The following KLHL29 variants were observed in gnomAD, a reference collection of about 807,000 sequenced individuals.
KLHL29 encodes the protein kelch like family member 29.
Under a neutral mutation model 80.4 loss-of-function variants are expected in KLHL29, and 21 were observed. That is an observed-to-expected ratio of 0.26 (90% CI 0.19 to 0.38). The LOEUF is 0.38. KLHL29 is among the 10% of genes least tolerant of loss of function. The probability of loss-of-function intolerance (pLI) is 1.00; values close to 1 mark genes in which losing one functional copy is unlikely to be tolerated. For synonymous variants in KLHL29, 511 were observed against 526.8 expected (o/e 0.97, Z 0.41); for missense variants, 867 against 1,223.9 (o/e 0.71, Z 4.35).
Position 23,596,446 on chromosome 2 carries a change from C to T in KLHL29, c.285+33965C>T, listed in dbSNP as rs990093716. ...GGAAGGAACCCGTTTCATAAGCGCA[C>T]TCACGTTGGAGCAGAACAGAGTCAC... On this transcript the variant is annotated intron_variant, in intron 3 of 13. Coordinates refer to ENST00000486442, the MANE Select transcript of KLHL29 (RefSeq NM_052920.2). The surrounding 1 kb of genome is among the most constrained non-coding windows in gnomAD (Gnocchi z 4.4). Among the ~76,000 whole-genome samples, 3 of 152,296 alleles carry T rather than the reference C, an allele frequency of 2.0e-5. No individual in the cohort carries two copies. In the South Asian group the frequency reaches 6.2e-4, roughly 32 times the overall value.
intron 1 of KLHL29, among the ~76,000 whole-genome samples, chr2:23,418,854 TTC>T (rs1211556335): frequency 5.3e-5 from 8 of 152,156 alleles, no homozygotes; most frequent in African/African-American, 1.9e-4. Context: ...CAGCATGCAC[TTC>T]GTCAATCCTG....
In KLHL29 at chr2:23,596,715, G is replaced by A. The variant is rs985195806; in HGVS notation, c.285+34234G>A. Among the ~76,000 whole-genome samples, 3 of 152,194 alleles carry A rather than the reference G, an allele frequency of 2.0e-5. No individual in the cohort carries two copies. Among genetic ancestry groups the A allele is most frequent in the African/African-American group, 7.2e-5 (3 of 41,460 alleles). ...TCCCTCTAAATGAGGGCGATAGGAA[G>A]ACTCCGATGCTGGGGCAGAGCCATC... On this transcript the variant is annotated intron_variant, in intron 3 of 13. Transcript: ENST00000486442. This position sits in a 1 kb window ranked among gnomAD's most constrained non-coding sequence, Gnocchi z 4.4.
chr2:23,390,530 G>A (rs1308912766), intron 1 of KLHL29, among the ~76,000 whole-genome samples: 1 of 151,146 alleles, frequency 6.6e-6, no homozygotes, highest in Non-Finnish European at 1.5e-5. Flanking sequence ...ATATATATTT[G>A]TAAACAGATA....
At chr2:23,476,533 T>A (rs1418023097) in intron 2 of KLHL29, among the ~76,000 whole-genome samples, 1 of 152,262 alleles carries the variant, frequency 6.6e-6, no homozygotes, top group African/African-American at 2.4e-5. Context: ...GATTCCACAA[T>A]GTATCAAGCC....
At chr2:23,495,814 C>T (rs1047024881) in intron 2 of KLHL29, among the ~76,000 whole-genome samples, 3 of 152,242 alleles carry the variant, frequency 2.0e-5, no homozygotes, top group Admixed American at 6.5e-5. Context: ...GACTGTAGCA[C>T]GCGCATGTGT....
chr2:23,696,086 G>T lies in KLHL29; in HGVS notation c.1877G>T (p.Arg626Leu). 1 of 1,551,802 alleles carries T rather than the reference G, an allele frequency of 6.4e-7. No individual in the cohort carries two copies. Among genetic ancestry groups the T allele is most frequent in the Non-Finnish European group, 8.7e-7 (1 of 1,147,014 alleles). Residue 626 changes from arginine (R) to leucine (L), a missense_variant, in exon 10 of 14, where the codon CGC (arginine) becomes CTC (leucine). Arg to Leu is a moderately radical substitution (Grantham distance 102). Around this residue, in one of 2 missense-constraint regions of KLHL29, gnomAD observed 443 missense variants for 767.0 expected, o/e 0.58. Coordinates refer to ENST00000486442, the MANE Select transcript of KLHL29 (RefSeq NM_052920.2). This position sits in a 1 kb window ranked among gnomAD's most constrained non-coding sequence, Gnocchi z 5.5. ...TTGGCCTCGCTGCCCTTCTATGACC[G>T]CGAGTTCTTCAGTGTAGTGAGTGCA... ...YPLASLPFYDREFFSVVSAGD... is the reference protein window; with the variant it reads ...YPLASLPFYDLEFFSVVSAGD...
intron 2 of KLHL29, among the ~76,000 whole-genome samples, chr2:23,527,829 C>T (rs1666372860): frequency 6.6e-6 from 1 of 152,228 alleles, no homozygotes; most frequent in African/African-American, 2.4e-5. Flanking sequence ...GAGCCCTAAA[C>T]CCCGAGTCAG....
intron 3 of KLHL29, among the ~76,000 whole-genome samples, chr2:23,623,304 A>G (rs1351563770): frequency 6.6e-6 from 1 of 152,104 alleles, no homozygotes; most frequent in Non-Finnish European, 1.5e-5. Context: ...AATGGCGATG[A>G]GCCCTGGGAG....
At chr2:23,546,556 G>A (rs72793569) in intron 2 of KLHL29, among the ~76,000 whole-genome samples, 11,543 of 152,190 alleles carry the variant, frequency 0.076, 501 homozygotes, top group South Asian at 0.11. Context: ...CCCAGGGCCC[G>A]TCTCTACTCC....
intron 1 of KLHL29, among the ~76,000 whole-genome samples, chr2:23,409,981 C>A (rs1283245633): frequency 1.3e-5 from 2 of 152,176 alleles, no homozygotes; most frequent in East Asian, 3.9e-4. Flanking sequence ...GATACATGTG[C>A]AGGAGAGAGT....
chr2:23,474,301 A>G (rs930915801), intron 1 of KLHL29, among the ~76,000 whole-genome samples: 1 of 152,162 alleles, frequency 6.6e-6, no homozygotes, highest in African/African-American at 2.4e-5. Context: ...AAGCACCTAA[A>G]AATGGTTTGA....
chr2:23,650,158 G>A (rs1346733255), intron 5 of KLHL29, among the ~76,000 whole-genome samples: 2 of 152,228 alleles, frequency 1.3e-5, no homozygotes, highest in African/African-American at 4.8e-5. Flanking sequence ...CTGCCCTGGG[G>A]GAGCTGGGGA....
At chr2:23,456,586 A>C (rs1002038101) in intron 1 of KLHL29, among the ~76,000 whole-genome samples, 3 of 152,214 alleles carry the variant, frequency 2.0e-5, no homozygotes, top group African/African-American at 7.2e-5. Flanking sequence ...AGCCGGAAAC[A>C]TTCTCCCGCG....
intron 8 of KLHL29, among the ~76,000 whole-genome samples, chr2:23,694,396 G>T (rs916383894): frequency 2.6e-5 from 4 of 151,884 alleles, no homozygotes; most frequent in African/African-American, 9.7e-5. Context: ...CAGGATTACT[G>T]CAGCACCTCC....
At chr2:23,635,524 G>C (rs985554738) in intron 3 of KLHL29, among the ~76,000 whole-genome samples, 20 of 152,250 alleles carry the variant, frequency 1.3e-4, no homozygotes, top group Non-Finnish European at 2.8e-4. Flanking sequence ...CAACCGTAGA[G>C]GCCCTCGGTC....
At chr2:23,629,569 G>A (rs1003945211) in intron 3 of KLHL29, among the ~76,000 whole-genome samples, 5 of 152,216 alleles carry the variant, frequency 3.3e-5, no homozygotes, top group Non-Finnish European at 7.3e-5. Context: ...TCCACTGGGA[G>A]GGGGGCTTGG....
intron 3 of KLHL29, among the ~76,000 whole-genome samples, chr2:23,609,553 A>G (rs546777196): frequency 6.6e-6 from 1 of 152,182 alleles, no homozygotes; most frequent in Non-Finnish European, 1.5e-5. Flanking sequence ...GAGCGAGGGA[A>G]TAGGAATCAA....
At chr2:23,564,467 G>A (rs1175143579) in intron 3 of KLHL29, among the ~76,000 whole-genome samples, 1 of 152,240 alleles carries the variant, frequency 6.6e-6, no homozygotes, top group Non-Finnish European at 1.5e-5. Context: ...TCTGCCTCCA[G>A]CCCGGCCTGT....
At chr2:23,655,459 C>A (rs962615203) in intron 5 of KLHL29, among the ~76,000 whole-genome samples, 1 of 152,196 alleles carries the variant, frequency 6.6e-6, no homozygotes, top group African/African-American at 2.4e-5. Flanking sequence ...TGAGGAGCCA[C>A]CAGCACAGAG....
Sources: allele counts gnomAD v4.1 joint callset (sites outside exome capture counted in the v4.1 genomes callset), GRCh38; gene constraint gnomAD v4.1.1; regional missense constraint gnomAD v4.1.1; non-coding constraint Gnocchi (gnomAD v3.1); transcripts MANE v1.5; gene names NCBI Gene and HGNC (gene_info 2026-07-23, HGNC 2026-07-21).